KCNH1: variants seen among roughly 807,000 people sequenced by gnomAD.
The protein encoded by KCNH1 is potassium voltage-gated channel subfamily H member 1.
In KCNH1, 27 loss-of-function variants were observed where a neutral mutation model predicts 69.2. The observed-to-expected ratio is 0.39, with a 90% CI of 0.29 to 0.54. The LOEUF (loss-of-function observed/expected upper bound fraction) is 0.54. KCNH1 is among the 20% of genes least tolerant of loss of function. The pLI is 0.68. For synonymous variants in KCNH1, 456 were observed against 487.7 expected (o/e 0.93, Z 0.86); for missense variants, 798 against 1,261.6 (o/e 0.63, Z 5.57).
chr1:210,853,186 T>C (rs942023614), intron 7 of KCNH1, among the ~76,000 whole-genome samples: 35 of 152,258 alleles, frequency 2.3e-4, no homozygotes, highest in Admixed American at 2.0e-3. Flanking sequence ...CACGTAAACT[T>C]TTGTTCCTTT....
At chr1:210,702,833 C>T (rs922802484) in intron 10 of KCNH1, among the ~76,000 whole-genome samples, 3 of 150,448 alleles carry the variant, frequency 2.0e-5, no homozygotes, top group African/African-American at 7.5e-5. Context: ...ATCTGTGCTG[C>T]AGCTTCTTCC....
chr1:210,809,782 G>A (rs538644536), intron 7 of KCNH1, among the ~76,000 whole-genome samples: 3 of 152,092 alleles, frequency 2.0e-5, no homozygotes, highest in Non-Finnish European at 2.9e-5. Context: ...TCTTTCAAAC[G>A]GGCTGGTTTC....
Position 211,050,260 on chromosome 1 carries a change from T to TAAAA in KCNH1, c.559-31008_559-31005dup, listed in dbSNP as rs747498526. ...AGGACAAACTCAGCCCACACATTCT[T>TAAAA]AAAAAAAAAAAAAAAAAAAAAAAAA... is the stretch of plus-strand genomic sequence containing the variant. On this transcript the variant is annotated intron_variant, in intron 5 of 10. Transcript: ENST00000271751. Among the ~76,000 whole-genome samples the TAAAA allele has an allele frequency of 3.4e-3, 200 of 58,538 alleles. 38 individuals carry two copies. The highest frequency in any genetic ancestry group is 0.013 in the African/African-American group (184 of 14,136). 38.4% of individuals were successfully genotyped at this position (58,538 alleles called of 152,430 possible).
chr1:210,917,055 G>A (rs568329353), intron 7 of KCNH1, among the ~76,000 whole-genome samples: 14 of 151,852 alleles, frequency 9.2e-5, no homozygotes, highest in African/African-American at 2.9e-4. Context: ...GGCTAAGGCA[G>A]GAGAATCACT....
chr1:210,987,579 C>T (rs1009370043), intron 6 of KCNH1, among the ~76,000 whole-genome samples: 103 of 152,302 alleles, frequency 6.8e-4, no homozygotes, highest in African/African-American at 1.6e-3. Context: ...GTATCAGCAG[C>T]GGTGGCTTCA....
chr1:211,113,523 A>T (rs957359892), intron 1 of KCNH1, among the ~76,000 whole-genome samples: 1 of 152,108 alleles, frequency 6.6e-6, no homozygotes, highest in Non-Finnish European at 1.5e-5. Flanking sequence ...GTGCTGGCCA[A>T]TTTCTATAAC....
At chr1:210,755,055 G>A (rs1683368086) in intron 10 of KCNH1, among the ~76,000 whole-genome samples, 1 of 152,132 alleles carries the variant, frequency 6.6e-6, no homozygotes, top group South Asian at 2.1e-4. Context: ...AGCTCATGCA[G>A]TGACAAAGGG....
chr1:211,113,844 C>A (rs1303346259), intron 1 of KCNH1, among the ~76,000 whole-genome samples: 1 of 148,652 alleles, frequency 6.7e-6, no homozygotes, highest in Non-Finnish European at 1.5e-5. Context: ...CTAGGATCAA[C>A]TGGGGTGGGT....
intron 7 of KCNH1, among the ~76,000 whole-genome samples, chr1:210,849,322 A>C (rs1040559111): frequency 3.3e-5 from 5 of 151,600 alleles, no homozygotes; most frequent in African/African-American, 1.2e-4. Flanking sequence ...CCATGGTTTT[A>C]AGCCATGAGC....
chr1:210,743,195 TA>T (rs35375578), intron 10 of KCNH1, among the ~76,000 whole-genome samples: 87,694 of 151,746 alleles, frequency 0.58, 26,137 homozygotes, highest in East Asian at 0.85. Flanking sequence ...TGTCCTTTCC[TA>T]GTAGGTGTCA....
chr1:210,869,001 T>A (rs1558504529), intron 7 of KCNH1, among the ~76,000 whole-genome samples: 1 of 152,126 alleles, frequency 6.6e-6, no homozygotes, highest in Non-Finnish European at 1.5e-5. Context: ...AGTTTTTATT[T>A]CATATTTATT....
At chr1:210,841,885 C>CA (rs1685420721) in intron 7 of KCNH1, among the ~76,000 whole-genome samples, 1 of 152,116 alleles carries the variant, frequency 6.6e-6, no homozygotes, top group Admixed American at 6.6e-5. Context: ...CAATCCCATG[C>CA]ACACTCTGGA....
intron 7 of KCNH1, among the ~76,000 whole-genome samples, chr1:210,915,905 C>T (rs1687324272): frequency 6.6e-6 from 1 of 152,076 alleles, no homozygotes; most frequent in Non-Finnish European, 1.5e-5. Context: ...ATTACTAAGG[C>T]ATATAAAATT....
chr1:211,074,217 A>T (rs1021678094), intron 5 of KCNH1, among the ~76,000 whole-genome samples: 1 of 151,812 alleles, frequency 6.6e-6, no homozygotes, highest in African/African-American at 2.4e-5. Context: ...ATGTTACATT[A>T]GAAGGTATCA....
chr1:211,087,065 C>T (rs992917664), intron 4 of KCNH1, among the ~76,000 whole-genome samples: 1 of 152,126 alleles, frequency 6.6e-6, no homozygotes, highest in Non-Finnish European at 1.5e-5. Flanking sequence ...AAAATATTAA[C>T]ATTGAAGGGG....
At chr1:210,911,511 AC>A (rs1318934467) in intron 7 of KCNH1, among the ~76,000 whole-genome samples, 1 of 152,030 alleles carries the variant, frequency 6.6e-6, no homozygotes, top group East Asian at 1.9e-4. Context: ...GAAACATGTA[AC>A]TAACCTGCAC....
At position 211,090,141 on chromosome 1, in the gene KCNH1, C is replaced by T. The variant is rs546530205; in HGVS notation, c.439+421G>A. ...ACAGATGCAAAGATGTGCTAAAGTC[C>T]GCTTTAACAATCTTGAAGTGCCAGA... On this transcript the variant is annotated intron_variant, in intron 4 of 10. Transcript: ENST00000271751. 5.0e-4 allele frequency among the ~76,000 whole-genome samples: 76 copies of T among 152,260 alleles called. No individual in the cohort carries two copies. In the South Asian group the frequency reaches 0.012, roughly 23 times the overall value.
At chr1:210,707,829 G>C (rs1401968942) in intron 10 of KCNH1, among the ~76,000 whole-genome samples, 1 of 152,148 alleles carries the variant, frequency 6.6e-6, no homozygotes. Context: ...ACACATAAAA[G>C]GAGGCCTCCC....
chr1:210,744,275 T>C (rs1317255), intron 10 of KCNH1, among the ~76,000 whole-genome samples: 73,630 of 152,030 alleles, frequency 0.48, 18,079 homozygotes, highest in East Asian at 0.7. Context: ...TCTGCAGCAT[T>C]GTAGAATTTG....
Sources: gnomAD v4.1 joint callset for allele counts (sites outside exome capture counted in the v4.1 genomes callset) on GRCh38, gnomAD v4.1.1 for gene constraint, MANE v1.5 for transcripts, NCBI Gene and HGNC (gene_info 2026-07-23, HGNC 2026-07-21) for gene names.